CATSPER3: variants seen among roughly 807,000 people sequenced by gnomAD.
CATSPER3 encodes cation channel sperm-associated protein 3.
In CATSPER3, 23 loss-of-function variants were observed where a neutral mutation model predicts 36.6. That is an observed-to-expected ratio of 0.63 (90% CI 0.45 to 0.89). CATSPER3 has a LOEUF of 0.89. CATSPER3 is among the 40% of genes least tolerant of loss of function. The probability of loss-of-function intolerance (pLI) is 0.00; values close to 1 mark genes in which losing one functional copy is unlikely to be tolerated. For synonymous variants in CATSPER3, 172 were observed against 184.1 expected (o/e 0.93, Z 0.53); for missense variants, 474 against 503.9 (o/e 0.94, Z 0.57).
In CATSPER3 at chr5:135,008,101, C is replaced by T; in HGVS notation, c.637C>T (p.Leu213=). ...DNGDHDNWGN[L]AAAFFTLFSL... Reference sequence around the variant, plus strand: ...TGGTGACCATGATAACTGGGGGAACCTGGCTGCAGCTTTTTTCACCCTCTT... The same window carrying T: ...TGGTGACCATGATAACTGGGGGAACTTGGCTGCAGCTTTTTTCACCCTCTT... The change falls in exon 4 of 8, where the codon CTG becomes TTG. Residue 213 remains leucine (L), a synonymous_variant. Coordinates refer to ENST00000282611, the MANE Select transcript of CATSPER3 (RefSeq NM_178019.3). 6.2e-7 allele frequency: 1 copy of T among 1,614,168 alleles called. No homozygotes were observed. The highest frequency in any genetic ancestry group is 8.5e-7 in the Non-Finnish European group (1 of 1,180,042).
intron 3 of CATSPER3, among the ~76,000 whole-genome samples, chr5:134,998,254 C>A (rs1305875379): frequency 2.0e-5 from 3 of 152,154 alleles, no homozygotes; most frequent in Non-Finnish European, 4.4e-5. Flanking sequence ...TGAACTCATC[C>A]TTTTTTATGG....
At chr5:134,976,690 G>A (rs1210975809) in intron 2 of CATSPER3, among the ~76,000 whole-genome samples, 1 of 152,234 alleles carries the variant, frequency 6.6e-6, no homozygotes, top group East Asian at 1.9e-4. Context: ...TTTAGTAAAG[G>A]TTCTCTGTGA....
intron 5 of CATSPER3, 148 bp downstream of exon 5, chr5:135,009,129 C>T (rs375296353): frequency 3.4e-5 from 38 of 1,127,550 alleles, no homozygotes; most frequent in African/African-American, 2.6e-4. Context: ...GTCCCTCACC[C>T]GGCCCAACTC....
intron 2 of CATSPER3, among the ~76,000 whole-genome samples, chr5:134,992,445 C>A (rs887599350): frequency 1.3e-5 from 2 of 152,094 alleles, no homozygotes; most frequent in Admixed American, 1.3e-4. Flanking sequence ...AAAAATGGGG[C>A]CGGGTGCAGT....
chr5:135,001,657 G>A (rs1752021388), intron 3 of CATSPER3, among the ~76,000 whole-genome samples: 1 of 152,172 alleles, frequency 6.6e-6, no homozygotes, highest in Admixed American at 6.5e-5. Flanking sequence ...TGTATTGGGT[G>A]CATATATATT....
chr5:134,978,320 CA>C (rs1476930452), intron 2 of CATSPER3, among the ~76,000 whole-genome samples: 4 of 152,092 alleles, frequency 2.6e-5, no homozygotes, highest in Non-Finnish European at 5.9e-5. Flanking sequence ...GTTCTTATCA[CA>C]AAGAAATGGC....
chr5:134,976,287 C>T (rs954694276), intron 2 of CATSPER3, among the ~76,000 whole-genome samples: 4 of 152,170 alleles, frequency 2.6e-5, no homozygotes, highest in African/African-American at 9.7e-5. Context: ...CACCTCTGCA[C>T]TCCAGCCTGG....
At chr5:135,008,643 A>G (rs987429705) in intron 4 of CATSPER3, among the ~76,000 whole-genome samples, 198 bp from the exon 5 acceptor site, 1 of 152,200 alleles carries the variant, frequency 6.6e-6, no homozygotes, top group Non-Finnish European at 1.5e-5. Flanking sequence ...GGTCAATAGC[A>G]TCCCCACCCA....
intron 2 of CATSPER3, among the ~76,000 whole-genome samples, chr5:134,986,348 T>C (rs1227246430): frequency 1.3e-5 from 2 of 152,104 alleles, no homozygotes; most frequent in East Asian, 3.9e-4. Context: ...TTCTCCATGT[T>C]GGTCAGGCTG....
At chr5:134,979,200 G>C (rs1751718665) in intron 2 of CATSPER3, among the ~76,000 whole-genome samples, 1 of 151,898 alleles carries the variant, frequency 6.6e-6, no homozygotes, top group African/African-American at 2.4e-5. Flanking sequence ...GCAGAGGCGT[G>C]ATCACAGATC....
intron 2 of CATSPER3, among the ~76,000 whole-genome samples, chr5:134,989,852 T>C (rs1751857187): frequency 6.6e-6 from 1 of 152,256 alleles, no homozygotes; most frequent in South Asian, 2.1e-4. Flanking sequence ...TTCAACATGC[T>C]TTCCTCACTA....
chr5:135,004,672 C>T (rs1449196719), intron 3 of CATSPER3, among the ~76,000 whole-genome samples: 1 of 152,118 alleles, frequency 6.6e-6, no homozygotes, highest in Non-Finnish European at 1.5e-5. Flanking sequence ...AGAGGCCTGG[C>T]ATCTTCCATA....
chr5:134,984,247 C>T (rs1293138286), intron 2 of CATSPER3, among the ~76,000 whole-genome samples: 4 of 152,008 alleles, frequency 2.6e-5, no homozygotes. Flanking sequence ...TGATTGAGAC[C>T]CCAAAAGCAA....
intron 2 of CATSPER3, among the ~76,000 whole-genome samples, chr5:134,977,918 GA>G (rs1224133423): frequency 1.3e-5 from 2 of 152,158 alleles, no homozygotes; most frequent in Non-Finnish European, 1.5e-5. Flanking sequence ...GCAAGAGAGA[GA>G]GGGGGGAACT....
At chr5:134,996,706 T>G (rs1751954113) in intron 3 of CATSPER3, among the ~76,000 whole-genome samples, 194 bp downstream of exon 3, 1 of 152,214 alleles carries the variant, frequency 6.6e-6, no homozygotes, top group Non-Finnish European at 1.5e-5. Flanking sequence ...TAGCTCCATT[T>G]TACAGATGAA....
chr5:134,974,347 A>C (rs565921862), intron 2 of CATSPER3, among the ~76,000 whole-genome samples: 1 of 152,340 alleles, frequency 6.6e-6, no homozygotes, highest in Non-Finnish European at 1.5e-5. Context: ...TGGCAAGACG[A>C]CTTATTAGTT....
chr5:134,976,372 G>T (rs571600322), intron 2 of CATSPER3, among the ~76,000 whole-genome samples: 1 of 141,930 alleles, frequency 7.0e-6, no homozygotes, highest in African/African-American at 2.6e-5. Context: ...AAAACCCAAG[G>T]TCTGTTCTAT....
rs1385416429 is a variant in CATSPER3, at chr5:134,967,924, G to C, written c.-68G>C. On this transcript the variant is annotated 5_prime_UTR_variant, in exon 1 of 8. Coordinates refer to ENST00000282611, the MANE Select transcript of CATSPER3 (RefSeq NM_178019.3). ...TGCCTCTCAGAATCCAGACGCTAAG[G>C]AAAATCCCTAAGCAGAGATTTTCTG... 8.1e-7 allele frequency: 1 copy of C among 1,239,058 alleles called. No individual in the cohort carries two copies. Among genetic ancestry groups the C allele is most frequent in the Admixed American group, 1.7e-5 (1 of 58,932 alleles). 76.8% of individuals were successfully genotyped at this position (1,239,058 alleles called of 1,614,324 possible).
At chr5:134,970,274 G>T (rs760303658) in intron 2 of CATSPER3, among the ~76,000 whole-genome samples, 182 bp downstream of exon 2, 2 of 151,700 alleles carry the variant, frequency 1.3e-5, no homozygotes, top group African/African-American at 2.4e-5. Context: ...CGATTCCTCT[G>T]CCTTAGCCTC....
Sources: gnomAD v4.1 joint callset for allele counts (sites outside exome capture counted in the v4.1 genomes callset) on GRCh38, gnomAD v4.1.1 for gene constraint, MANE v1.5 for transcripts, NCBI Gene and HGNC (gene_info 2026-07-23, HGNC 2026-07-21) for gene names.